SKAP1: variants seen among roughly 807,000 people sequenced by gnomAD.
The protein encoded by SKAP1 is src kinase-associated phosphoprotein 1.
A neutral mutation model predicts 58.5 loss-of-function variants in SKAP1; 44 were observed. The observed-to-expected ratio is 0.75, with a 90% CI of 0.59 to 0.97. SKAP1 has a LOEUF of 0.97. Ranked by LOEUF, SKAP1 falls within the 50% of genes least tolerant of loss-of-function variation. SKAP1 has a pLI of 0.00. For missense variants in SKAP1, 390 were observed against 435.2 expected (o/e 0.90, Z 0.92); for synonymous variants, 127 against 149.7 (o/e 0.85, Z 1.11).
At chr17:48,135,287 C>A (rs958866762) in intron 12 of SKAP1, among the ~76,000 whole-genome samples, 7 of 152,194 alleles carry the variant, frequency 4.6e-5, no homozygotes, top group African/African-American at 1.7e-4. Context: ...GCAGTGAAGA[C>A]TGCTCCTATT....
At position 48,182,829 on chromosome 17, in the gene SKAP1, A is replaced by G. The variant is rs575132448; in HGVS notation, c.568-372T>C. Among the ~76,000 whole-genome samples the G allele has an allele frequency of 2.6e-5, 4 of 152,380 alleles. No individual in the cohort carries two copies. The South Asian group carries it at 8.3e-4, about 32-fold the overall frequency. ...GAGGCACATTTTGTAACAACCGGAT[A>G]TCAAGAGGAGACAGGGAGCACCTGT... On this transcript the variant is annotated intron_variant, in intron 7 of 12. Coordinates refer to ENST00000336915, the MANE Select transcript of SKAP1 (RefSeq NM_003726.4).
At chr17:48,320,599 A>G (rs1310163575) in intron 4 of SKAP1, among the ~76,000 whole-genome samples, 1 of 152,192 alleles carries the variant, frequency 6.6e-6, no homozygotes, top group African/African-American at 2.4e-5. Context: ...GAAAAAAATC[A>G]TACAAGTTTT....
intron 4 of SKAP1, among the ~76,000 whole-genome samples, chr17:48,337,144 C>T (rs1333015430): frequency 2.0e-5 from 3 of 152,098 alleles, no homozygotes; most frequent in Non-Finnish European, 4.4e-5. Flanking sequence ...TCTTTCTTTC[C>T]TGCTAGACCA....
chr17:48,164,830 A>G (rs940165498), intron 10 of SKAP1, among the ~76,000 whole-genome samples: 2 of 152,228 alleles, frequency 1.3e-5, no homozygotes, highest in Non-Finnish European at 2.9e-5. Flanking sequence ...TAAGGAAATC[A>G]GTGAGGGATA....
chr17:48,248,098 T>C (rs1378171502), intron 4 of SKAP1, among the ~76,000 whole-genome samples: 2 of 152,200 alleles, frequency 1.3e-5, no homozygotes, highest in Non-Finnish European at 2.9e-5. Context: ...AAATAGGTCA[T>C]GATAAAAGAG....
At chr17:48,306,735 C>A (rs1011772528) in intron 4 of SKAP1, among the ~76,000 whole-genome samples, 4 of 151,026 alleles carry the variant, frequency 2.6e-5, no homozygotes, top group Non-Finnish European at 5.9e-5. Flanking sequence ...ATCAATAACA[C>A]CTTTAGACTA....
At chr17:48,140,830 G>A (rs2063758285) in intron 11 of SKAP1, among the ~76,000 whole-genome samples, 1 of 148,270 alleles carries the variant, frequency 6.7e-6, no homozygotes, top group African/African-American at 2.5e-5. Flanking sequence ...CCAGGCTGCA[G>A]TGCAGTGGTG....
chr17:48,256,396 A>T (rs2065424151), intron 4 of SKAP1, among the ~76,000 whole-genome samples: 1 of 152,158 alleles, frequency 6.6e-6, no homozygotes, highest in Non-Finnish European at 1.5e-5. Context: ...TAAAGGTGAA[A>T]GTGGTTAGCC....
chr17:48,297,266 A>T (rs1175869854), intron 4 of SKAP1, among the ~76,000 whole-genome samples: 1 of 152,218 alleles, frequency 6.6e-6, no homozygotes, highest in Non-Finnish European at 1.5e-5. Context: ...AAATTTTGCT[A>T]AAAGTAACAA....
chr17:48,331,572 G>A (rs141394528), intron 4 of SKAP1, among the ~76,000 whole-genome samples: 3,113 of 152,180 alleles, frequency 0.02, 116 homozygotes, highest in African/African-American at 0.072. Flanking sequence ...GGTGGCGCAT[G>A]CCTGTAATCT....
At position 48,233,712 on chromosome 17, in the gene SKAP1, C is replaced by T. The variant is rs552121132; in HGVS notation, c.281-44212G>A. ...TACTAAAAACATACAAAAAATTAGCCGGGCATAGTGGCTCGCACCTGTAAT... is the reference window on the plus strand; with the variant it reads ...TACTAAAAACATACAAAAAATTAGCTGGGCATAGTGGCTCGCACCTGTAAT... On this transcript the variant is annotated intron_variant, in intron 4 of 12. Transcript: ENST00000336915. Among the ~76,000 whole-genome samples, 5 of 151,998 alleles carry T rather than the reference C, an allele frequency of 3.3e-5. No homozygotes were observed. In the East Asian group the frequency reaches 9.7e-4, roughly 29 times the overall value.
At chr17:48,392,902 C>A (rs924678935) in intron 2 of SKAP1, among the ~76,000 whole-genome samples, 1 of 151,688 alleles carries the variant, frequency 6.6e-6, no homozygotes, top group Non-Finnish European at 1.5e-5. Context: ...ACCCCTCCCC[C>A]ACTCTCAACG....
At chr17:48,413,635 A>C (rs2067696567) in intron 1 of SKAP1, among the ~76,000 whole-genome samples, 1 of 150,702 alleles carries the variant, frequency 6.6e-6, no homozygotes, top group African/African-American at 2.5e-5. Flanking sequence ...ACCACTGAAC[A>C]GGGAAGAGAT....
chr17:48,156,365 C>CGT, intron 11 of SKAP1: 1 of 269,382 alleles, frequency 3.7e-6, no homozygotes, highest in Non-Finnish European at 7.9e-6. Context: ...TGGTCGCCGG[C>CGT]ATCGTGGGAA....
chr17:48,400,222 C>T (rs1434350792), intron 1 of SKAP1, among the ~76,000 whole-genome samples: 4 of 151,714 alleles, frequency 2.6e-5, no homozygotes, highest in African/African-American at 9.7e-5. Flanking sequence ...CCTCAGCCTC[C>T]TGAGTAGCTG....
chr17:48,209,204 A>G (rs1434981541), intron 4 of SKAP1, among the ~76,000 whole-genome samples: 1 of 152,150 alleles, frequency 6.6e-6, no homozygotes, highest in Non-Finnish European at 1.5e-5. Flanking sequence ...TCCTCTTTCC[A>G]TCAAAAACTT....
chr17:48,386,523 C>A (rs912875612), intron 2 of SKAP1, among the ~76,000 whole-genome samples: 1 of 152,130 alleles, frequency 6.6e-6, no homozygotes, highest in African/African-American at 2.4e-5. Context: ...TTCAATGGAG[C>A]CTGAGAGTCT....
chr17:48,247,436 C>T (rs77742911), intron 4 of SKAP1, among the ~76,000 whole-genome samples: 551 of 152,300 alleles, frequency 3.6e-3, no homozygotes, highest in Admixed American at 5.3e-3. Flanking sequence ...CTGCAATTTG[C>T]AAGCTAAGCC....
At chr17:48,192,583 A>G (rs2064562155) in intron 4 of SKAP1, among the ~76,000 whole-genome samples, 2 of 152,154 alleles carry the variant, frequency 1.3e-5, no homozygotes, top group Admixed American at 1.3e-4. Flanking sequence ...TGAAACTTTT[A>G]TTTAGATGTT....
Sources: allele counts gnomAD v4.1 joint callset (sites outside exome capture counted in the v4.1 genomes callset), GRCh38; gene constraint gnomAD v4.1.1; transcripts MANE v1.5; gene names NCBI Gene and HGNC (gene_info 2026-07-23, HGNC 2026-07-21).